The following SLC25A12 variants were observed in gnomAD, a reference collection of about 807,000 sequenced individuals.
SLC25A12 encodes the protein solute carrier family 25 member 12.
Under a neutral mutation model 83.3 loss-of-function variants are expected in SLC25A12, and 32 were observed. The observed-to-expected ratio is 0.38, with a 90% confidence interval of 0.29 to 0.52. The LOEUF is 0.52. Among genes scored for constraint, SLC25A12 ranks in the 20% least tolerant of loss-of-function variants. The pLI, the probability that SLC25A12 is intolerant of heterozygous loss-of-function variation, is 0.84. For missense variants in SLC25A12, 611 were observed against 835.6 expected (o/e 0.73, Z 3.31); for synonymous variants, 267 against 291.1 (o/e 0.92, Z 0.84).
At chr2:171,831,007 C>T (rs1394126205) in intron 8 of SLC25A12, among the ~76,000 whole-genome samples, 1 of 152,244 alleles carries the variant, frequency 6.6e-6, no homozygotes, top group Non-Finnish European at 1.5e-5. Context: ...TGGTGAAGTA[C>T]ACCATGAGCT....
At chr2:171,859,047 C>G (rs1685097676) in intron 3 of SLC25A12, among the ~76,000 whole-genome samples, 1 of 152,204 alleles carries the variant, frequency 6.6e-6, no homozygotes, top group Non-Finnish European at 1.5e-5. Context: ...ATCAGTGAGT[C>G]TACTTAAAGA....
At chr2:171,863,658 T>C (rs918936521) in intron 3 of SLC25A12, among the ~76,000 whole-genome samples, 3 of 152,154 alleles carry the variant, frequency 2.0e-5, no homozygotes, top group Non-Finnish European at 4.4e-5. Context: ...AAAGGAAACA[T>C]TTGAAAATAT....
At chr2:171,865,943 A>G (rs1387615821) in intron 3 of SLC25A12, among the ~76,000 whole-genome samples, 2 of 148,700 alleles carry the variant, frequency 1.3e-5, no homozygotes, top group South Asian at 2.2e-4. Flanking sequence ...CAGCAGATAA[A>G]CAAGTGAACA....
At position 171,861,064 on chromosome 2, in the gene SLC25A12, C is replaced by A. The variant is rs548120545; in HGVS notation, c.210-5115G>T. Among the ~76,000 whole-genome samples, 50 of 151,666 alleles carry A rather than the reference C, an allele frequency of 3.3e-4. No homozygotes were observed. In the South Asian group the frequency reaches 0.01, roughly 31 times the overall value. ...CCATGATCACACCACTGCATTCCAG[C>A]CTGGGCAACAGAGTGGGACCCTGTC... On this transcript the variant is annotated intron_variant, in intron 3 of 17. Coordinates refer to ENST00000422440, the MANE Select transcript of SLC25A12 (RefSeq NM_003705.5).
At chr2:171,876,491 T>C (rs1384570340) in intron 2 of SLC25A12, among the ~76,000 whole-genome samples, 2 of 144,500 alleles carry the variant, frequency 1.4e-5, no homozygotes, top group Non-Finnish European at 3.0e-5. Context: ...GAAAAGCTGG[T>C]ACCTCAAAAA....
intron 2 of SLC25A12, among the ~76,000 whole-genome samples, chr2:171,873,680 C>T (rs928193082): frequency 1.3e-5 from 2 of 151,944 alleles, no homozygotes; most frequent in Non-Finnish European, 2.9e-5. Context: ...CAGAGGCAAT[C>T]GATTTCTTAT....
At chr2:171,823,845 T>C (rs1319368871) in intron 9 of SLC25A12, among the ~76,000 whole-genome samples, 2 of 151,876 alleles carry the variant, frequency 1.3e-5, no homozygotes, top group Admixed American at 1.3e-4. Flanking sequence ...GTCCCAGCTA[T>C]TCAGGAGGCT....
At chr2:171,839,323 C>T (rs1684623556) in intron 5 of SLC25A12, among the ~76,000 whole-genome samples, 1 of 152,116 alleles carries the variant, frequency 6.6e-6, no homozygotes, top group Non-Finnish European at 1.5e-5. Flanking sequence ...CAAATCTGTG[C>T]TCATCCTAAT....
intron 4 of SLC25A12, among the ~76,000 whole-genome samples, chr2:171,845,490 T>C (rs768179712): frequency 5.9e-5 from 9 of 152,098 alleles, no homozygotes; most frequent in Non-Finnish European, 1.3e-4. Context: ...AGTGAAAGAG[T>C]TTTGCCATCG....
At chr2:171,893,391 C>T (rs1685986519) in intron 1 of SLC25A12, 133 bp from the exon 2 acceptor site, 1 of 818,806 alleles carries the variant, frequency 1.2e-6, no homozygotes, top group Non-Finnish European at 2.0e-6. Flanking sequence ...AACTAAAAGC[C>T]CTAATTGCTG....
chr2:171,790,887 T>C (rs904942243), intron 15 of SLC25A12, among the ~76,000 whole-genome samples: 3 of 151,934 alleles, frequency 2.0e-5, no homozygotes, highest in Admixed American at 2.0e-4. Context: ...AATGACAAAG[T>C]GTTAACGATT....
intron 2 of SLC25A12, among the ~76,000 whole-genome samples, chr2:171,886,181 T>C (rs988045674): frequency 5.7e-4 from 86 of 152,068 alleles, no homozygotes; most frequent in African/African-American, 1.9e-3. Context: ...ATAACTTTCA[T>C]AGTATAGTTA....
chr2:171,837,272 G>A lies in SLC25A12; in HGVS notation c.466-5C>T, dbSNP rs767755067. The A allele has an allele frequency of 3.5e-5, 57 of 1,613,824 alleles. No homozygotes were observed. The South Asian group carries it at 4.6e-4, about 13-fold the overall frequency. On this transcript the variant is annotated splice_polypyrimidine_tract_variant and splice_region_variant and intron_variant, in intron 5 of 17. Transcript: ENST00000422440. ...TGCATGTTCCAATTGCAGCTCCTGTGAGGAAATTAGAAATAGGGCATTAAG... is the reference window on the plus strand; with the variant it reads ...TGCATGTTCCAATTGCAGCTCCTGTAAGGAAATTAGAAATAGGGCATTAAG...
At chr2:171,868,239 TG>T (rs1685382076) in intron 3 of SLC25A12, among the ~76,000 whole-genome samples, 1 of 151,818 alleles carries the variant, frequency 6.6e-6, no homozygotes. Context: ...ATGAGCAACT[TG>T]GTAATTACTA....
chr2:171,793,050 G>GTAAGTATACC (rs1683515057), intron 14 of SLC25A12, among the ~76,000 whole-genome samples: 1 of 151,528 alleles, frequency 6.6e-6, no homozygotes, highest in African/African-American at 2.4e-5. Context: ...AATGATGGGA[G>GTAAGTATACC]TAAGTATACC....
intron 9 of SLC25A12, among the ~76,000 whole-genome samples, chr2:171,821,154 C>T (rs1348514337): frequency 6.7e-5 from 10 of 150,080 alleles, no homozygotes; most frequent in Admixed American, 5.3e-4. Flanking sequence ...CTCAGCCTCC[C>T]GAGCAGCTGG....
At chr2:171,867,207 C>A (rs1473739477) in intron 3 of SLC25A12, among the ~76,000 whole-genome samples, 1 of 142,936 alleles carries the variant, frequency 7.0e-6, no homozygotes, top group Non-Finnish European at 1.6e-5. Flanking sequence ...CAGGCAGAGA[C>A]GCTCCTCACT....
intron 10 of SLC25A12, among the ~76,000 whole-genome samples, chr2:171,813,763 T>C (rs187221302): frequency 6.6e-6 from 1 of 152,340 alleles, no homozygotes; most frequent in Admixed American, 6.5e-5. Context: ...CAGAGTGGAT[T>C]ATCGAGTCAC....
chr2:171,797,655 A>C (rs1248208805), intron 13 of SLC25A12, among the ~76,000 whole-genome samples: 1 of 152,204 alleles, frequency 6.6e-6, no homozygotes, highest in Non-Finnish European at 1.5e-5. Context: ...TTTGGCAAAT[A>C]TATTTTTTAA....
Sources: gnomAD v4.1 joint callset for allele counts (sites outside exome capture counted in the v4.1 genomes callset) on GRCh38, gnomAD v4.1.1 for gene constraint, MANE v1.5 for transcripts, NCBI Gene and HGNC (gene_info 2026-07-23, HGNC 2026-07-21) for gene names.